The following RSPO2 variants were observed in gnomAD, a reference collection of about 807,000 sequenced individuals.
The protein encoded by RSPO2 is R-spondin 2.
In RSPO2, 14 loss-of-function variants were observed where a neutral mutation model predicts 30.9. The observed-to-expected ratio is 0.45, with a 90% confidence interval of 0.30 to 0.71. RSPO2 has a LOEUF of 0.71. RSPO2 is among the 30% of genes least tolerant of loss of function. The pLI, the probability that RSPO2 is intolerant of heterozygous loss-of-function variation, is 0.08. For synonymous variants in RSPO2, 107 were observed against 96.4 expected (o/e 1.11, Z -0.64); for missense variants, 264 against 301.9 (o/e 0.87, Z 0.93).
At chr8:108,035,688 G>A (rs527337979) in intron 2 of RSPO2, among the ~76,000 whole-genome samples, 1 of 152,088 alleles carries the variant, frequency 6.6e-6, no homozygotes, top group African/African-American at 2.4e-5. Flanking sequence ...AGCCAGGATG[G>A]TTTCGATCTC....
At chr8:108,054,707 T>C (rs1301459078) in intron 2 of RSPO2, among the ~76,000 whole-genome samples, 2 of 152,144 alleles carry the variant, frequency 1.3e-5, no homozygotes, top group Non-Finnish European at 1.5e-5. Context: ...GCGCCTAGCA[T>C]GTAAAATGCA....
intron 3 of RSPO2, among the ~76,000 whole-genome samples, chr8:107,978,483 A>C (rs912426093): frequency 1.3e-5 from 2 of 152,218 alleles, no homozygotes; most frequent in Admixed American, 6.5e-5. Flanking sequence ...CCATATGCAG[A>C]AAGCTGAAAC....
chr8:107,940,393 C>CCT (rs758023258), intron 5 of RSPO2, among the ~76,000 whole-genome samples: 1 of 152,120 alleles, frequency 6.6e-6, no homozygotes, highest in African/African-American at 2.4e-5. Flanking sequence ...AGACATACCC[C>CCT]CTTACCCTTC....
intron 5 of RSPO2, among the ~76,000 whole-genome samples, chr8:107,949,480 T>C (rs1218410212): frequency 2.6e-5 from 4 of 152,164 alleles, no homozygotes; most frequent in African/African-American, 7.2e-5. Flanking sequence ...ATTTCCTGCA[T>C]TCACTAGATA....
intron 5 of RSPO2, among the ~76,000 whole-genome samples, chr8:107,949,446 A>G (rs995777321): frequency 2.0e-5 from 3 of 152,122 alleles, no homozygotes; most frequent in Non-Finnish European, 4.4e-5. Flanking sequence ...TTCGAATTGT[A>G]CTGCTATAAA....
intron 2 of RSPO2, among the ~76,000 whole-genome samples, chr8:108,070,482 C>CG (rs1812811914): frequency 6.6e-6 from 1 of 151,708 alleles, no homozygotes; most frequent in Non-Finnish European, 1.5e-5. Flanking sequence ...TTAGTAGAGA[C>CG]GGGGTTTCAC....
intron 2 of RSPO2, among the ~76,000 whole-genome samples, chr8:108,058,066 G>A (rs565103357): frequency 6.6e-6 from 1 of 152,174 alleles, no homozygotes; most frequent in Non-Finnish European, 1.5e-5. Context: ...TTTTCAAAGG[G>A]AATGCTTCCA....
intron 3 of RSPO2, chr8:107,983,592 A>G: frequency 6.3e-7 from 1 of 1,597,856 alleles, no homozygotes; most frequent in East Asian, 2.2e-5. Flanking sequence ...TTGGAAGTAA[A>G]GCCCCAAAAG....
At chr8:108,072,446 C>T (rs1029003477) in intron 2 of RSPO2, among the ~76,000 whole-genome samples, 21 of 150,556 alleles carry the variant, frequency 1.4e-4, no homozygotes, top group African/African-American at 4.2e-4. Flanking sequence ...CTGCCTCAGC[C>T]TCCTGAGTAG....
chr8:107,952,623 T>C (rs1813291562), intron 5 of RSPO2, among the ~76,000 whole-genome samples: 1 of 152,138 alleles, frequency 6.6e-6, no homozygotes, highest in South Asian at 2.1e-4. Context: ...GTAAACAAAA[T>C]GTAGAGAAAT....
At chr8:108,064,024 T>C (rs1812572393) in intron 2 of RSPO2, among the ~76,000 whole-genome samples, 1 of 152,098 alleles carries the variant, frequency 6.6e-6, no homozygotes, top group East Asian at 1.9e-4. Flanking sequence ...ATACAAAAAT[T>C]AATTCAAGAT....
In RSPO2 at chr8:107,899,634, A is replaced by T. The variant is rs191853261; in HGVS notation, c.*1441T>A. ...AGTTTTGCCAATGCAAGGTGAAAAA[A>T]AAAAGGCTTTACCTTGCTTTGTTTC... On this transcript the variant is annotated 3_prime_UTR_variant, in exon 6 of 6. Transcript: ENST00000276659. The T allele has an allele frequency of 6.5e-6, 1 of 152,776 alleles. No individual in the cohort carries two copies. The highest frequency in any genetic ancestry group is 6.5e-5 in the Admixed American group (1 of 15,302). 9.5% of individuals were successfully genotyped at this position (152,776 alleles called of 1,614,324 possible). A position where few individuals can be genotyped will look rare whatever the true frequency, so the allele number is the denominator to read the frequency against.
chr8:108,007,493 T>C (rs1244647728), intron 2 of RSPO2, among the ~76,000 whole-genome samples: 1 of 152,104 alleles, frequency 6.6e-6, no homozygotes, highest in Non-Finnish European at 1.5e-5. Flanking sequence ...GAATCACCAA[T>C]AATGGGACAA....
intron 2 of RSPO2, among the ~76,000 whole-genome samples, chr8:108,064,565 A>G (rs1418405572): frequency 6.6e-6 from 1 of 152,190 alleles, no homozygotes; most frequent in Non-Finnish European, 1.5e-5. Context: ...ACACTTATAC[A>G]CTGTTGGTGG....
intron 2 of RSPO2, among the ~76,000 whole-genome samples, chr8:108,030,102 G>A (rs1004674620): frequency 7.0e-6 from 1 of 143,276 alleles, no homozygotes; most frequent in Non-Finnish European, 1.5e-5. Context: ...TTGAAAGTAG[G>A]GTCCTGGGAT....
intron 2 of RSPO2, among the ~76,000 whole-genome samples, chr8:108,074,187 C>A (rs1812938389): frequency 1.3e-5 from 2 of 152,268 alleles, no homozygotes; most frequent in South Asian, 4.2e-4. Flanking sequence ...TATAAGTGCT[C>A]TTAGTATCTT....
At chr8:107,936,073 C>A (rs150685155) in intron 5 of RSPO2, among the ~76,000 whole-genome samples, 49 of 152,138 alleles carry the variant, frequency 3.2e-4, no homozygotes, top group African/African-American at 1.1e-3. Flanking sequence ...TTTTTATACC[C>A]ACCAACCAAA....
intron 2 of RSPO2, among the ~76,000 whole-genome samples, chr8:108,010,198 CAAAT>C (rs1453516453): frequency 2.6e-5 from 4 of 152,104 alleles, no homozygotes; most frequent in African/African-American, 7.2e-5. Flanking sequence ...TCTGCTTAGA[CAAAT>C]AAAGACCCCA....
At chr8:107,912,747 A>G (rs917292902) in intron 5 of RSPO2, among the ~76,000 whole-genome samples, 1 of 152,212 alleles carries the variant, frequency 6.6e-6, no homozygotes, top group African/African-American at 2.4e-5. Flanking sequence ...TTCAAAAACT[A>G]AAAAGATGAG....
Sources: allele counts gnomAD v4.1 joint callset (sites outside exome capture counted in the v4.1 genomes callset), GRCh38; gene constraint gnomAD v4.1.1; transcripts MANE v1.5; gene names NCBI Gene and HGNC (gene_info 2026-07-23, HGNC 2026-07-21).